Variants in BEGAIN observed in about 807,000 individuals in gnomAD.
The protein encoded by BEGAIN is brain enriched guanylate kinase associated.
Under a neutral mutation model 35.8 loss-of-function variants are expected in BEGAIN, and 19 were observed. The ratio of observed to expected loss-of-function variants is 0.53; its 90% CI spans 0.37 to 0.78. The LOEUF (loss-of-function observed/expected upper bound fraction) is 0.78. Among genes scored for constraint, BEGAIN ranks in the 30% least tolerant of loss-of-function variants. The pLI, the probability that BEGAIN is intolerant of heterozygous loss-of-function variation, is 0.00. For synonymous variants in BEGAIN, 462 were observed against 388.6 expected, an observed-to-expected ratio of 1.19 and a Z score of -2.22; for missense variants, 795 against 853.6, an observed-to-expected ratio of 0.93 and a Z score of 0.85.
rs1174559092 is a variant in BEGAIN, at chr14:100,563,483, A to C, written c.71+4428T>G. ...GTCCCCCAGGAGGTGTGGCTGCTGC[A>C]TGTGTAACTGACAGTGTGAAGAGCT... is the stretch of plus-strand genomic sequence containing the variant. On this transcript the variant is annotated intron_variant, in intron 2 of 6. Coordinates refer to ENST00000554140, the MANE Select transcript of BEGAIN (RefSeq NM_001385089.1). This position sits in a 1 kb window ranked among gnomAD's most constrained non-coding sequence, Gnocchi z 4.2. Among the ~76,000 whole-genome samples the C allele has an allele frequency of 6.6e-6, 1 of 152,250 alleles. No homozygotes were observed. Among genetic ancestry groups the C allele is most frequent in the Non-Finnish European group, 1.5e-5 (1 of 68,036 alleles).
At chr14:100,542,480 C>A (rs933603599) in intron 5 of BEGAIN, among the ~76,000 whole-genome samples, 4 of 152,204 alleles carry the variant, frequency 2.6e-5, no homozygotes, top group African/African-American at 9.6e-5. Context: ...AACTCCAGAC[C>A]CGGGCCTCCT....
chr14:100,555,274 C>T (rs931564117), intron 2 of BEGAIN, among the ~76,000 whole-genome samples: 4 of 152,250 alleles, frequency 2.6e-5, no homozygotes, highest in African/African-American at 9.6e-5. Context: ...TGTGGAAACC[C>T]GGGCTGGGTG....
intron 1 of BEGAIN, among the ~76,000 whole-genome samples, chr14:100,580,812 T>C (rs1376834028): frequency 2.6e-5 from 4 of 152,240 alleles, no homozygotes; most frequent in Non-Finnish European, 5.9e-5. Context: ...CTTGAATGAC[T>C]GACTGAATGA....
chr14:100,538,328 T>C lies in BEGAIN; in HGVS notation c.1480A>G (p.Ser494Gly), dbSNP rs1195977269. ...GAGAGGTCGTCCCCCTCGGAGAAGCTGTCGGCCTTGTAGCTGGCGTAGAGC... is the reference window on the plus strand; with the variant it reads ...GAGAGGTCGTCCCCCTCGGAGAAGCCGTCGGCCTTGTAGCTGGCGTAGAGC... ...SPLYASYKAD[S>G]FSEGDDLSQG... is the part of the protein sequence containing the mutation. The change falls in exon 7 of 7, where the codon AGC becomes GGC. Residue 494 changes from serine to glycine, a missense_variant. Physicochemically the swap from Ser to Gly is moderately conservative, Grantham distance 56 (BLOSUM62 0). Around this residue, in one of 3 missense-constraint regions of BEGAIN, gnomAD observed 664 missense variants for 647.7 expected, o/e 1.03. Transcript: ENST00000554140. 2.0e-6 allele frequency: 3 copies of C among 1,518,682 alleles called. No individual in the cohort carries two copies. The highest frequency in any genetic ancestry group is 1.8e-6 in the Non-Finnish European group (2 of 1,141,100). 94.1% of individuals were successfully genotyped at this position (1,518,682 alleles called of 1,614,324 possible).
chr14:100,569,579 G>GCC (rs2035001998), intron 1 of BEGAIN: 1 of 154,456 alleles, frequency 6.5e-6, no homozygotes, highest in East Asian at 1.9e-4. Context: ...CCGGGCAGGA[G>GCC]CCCTGTGTTC....
intron 2 of BEGAIN, among the ~76,000 whole-genome samples, chr14:100,561,905 A>G (rs189932236): frequency 1.3e-5 from 2 of 152,196 alleles, no homozygotes; most frequent in Non-Finnish European, 1.5e-5. Flanking sequence ...CAACCCCCCA[A>G]GTTGATACCA....
rs8017292 is a variant in BEGAIN at position 100,581,208 on chromosome 14, T to A, written c.42+6041A>T. ...ATGAGCAAGGGACTTCAGGACTCAT[T>A]AGCACTGGGGCTCTGATGTGGCCGT... On this transcript the variant is annotated intron_variant, in intron 1 of 6. Coordinates refer to ENST00000554140, the MANE Select transcript of BEGAIN (RefSeq NM_001385089.1). Among the ~76,000 whole-genome samples the A allele has an allele frequency of 8.6e-3, 1,317 of 152,310 alleles. 17 individuals are homozygous for A. The highest frequency in any genetic ancestry group is 0.03 in the African/African-American group (1,253 of 41,566).
In BEGAIN at chr14:100,538,741, T is replaced by C. The variant is rs1222019538; in HGVS notation, c.1067A>G (p.Lys356Arg). The stretch of plus-strand genomic sequence containing the variant: ...GCCCTCGTAGGTGGTGGCGGGTGGC[T>C]TGCGGTCGAAGAGCTCGTCGCGGCT... ...LNSRDELFDRKPPATTYEGSP... is the reference protein window; with the variant it reads ...LNSRDELFDRRPPATTYEGSP... Residue 356 changes from lysine (K) to arginine (R), a missense_variant, in exon 7 of 7, where the codon AAG becomes AGG. Transcript: ENST00000554140. The C allele has an allele frequency of 6.4e-7, 1 of 1,571,288 alleles. No individual in the cohort carries two copies. The highest frequency in any genetic ancestry group is 1.2e-5 in the South Asian group (1 of 85,984).
At position 100,568,385 on chromosome 14, in the gene BEGAIN, C is replaced by T. The variant is rs1056692405; in HGVS notation, c.43-446G>A. On this transcript the variant is annotated intron_variant, in intron 1 of 6. Transcript: ENST00000554140. This position sits in a 1 kb window ranked among gnomAD's most constrained non-coding sequence, Gnocchi z 7.5. ...GCCGAACCCCGGAATCGCAGAACCT[C>T]CGAGTCGGAGAATGTTGGGGAATTC... The T allele has an allele frequency of 8.1e-7, 1 of 1,232,786 alleles. No homozygotes were observed. Among genetic ancestry groups the T allele is most frequent in the Non-Finnish European group, 1.1e-6 (1 of 947,366 alleles). 76.4% of individuals were successfully genotyped at this position (1,232,786 alleles called of 1,614,324 possible). A position where few individuals can be genotyped will look rare whatever the true frequency, so the allele number is the denominator to read the frequency against.
At chr14:100,541,883 C>T (rs1342665510) in intron 5 of BEGAIN, among the ~76,000 whole-genome samples, 4 of 152,230 alleles carry the variant, frequency 2.6e-5, no homozygotes, top group East Asian at 3.9e-4. Context: ...TCTGGCAGAG[C>T]GAACAGGTGG....
intron 1 of BEGAIN, among the ~76,000 whole-genome samples, chr14:100,574,995 C>A (rs554090912): frequency 6.6e-6 from 1 of 152,164 alleles, no homozygotes; most frequent in South Asian, 2.1e-4. Flanking sequence ...CTGTGATAAC[C>A]GGCGGTCCTA....
chr14:100,546,899 GCGGTT>G (rs2032597369), intron 2 of BEGAIN: 1 of 408,670 alleles, frequency 2.4e-6, no homozygotes, highest in Admixed American at 4.6e-5. Context: ...TCTGGCCTGG[GCGGTT>G]CCTCAGACTC....
At chr14:100,577,311 C>G (rs894234307) in intron 1 of BEGAIN, 2 of 398,910 alleles carry the variant, frequency 5.0e-6, no homozygotes, top group African/African-American at 4.1e-5. Context: ...TGAGACTCAC[C>G]CGACCTGGAG....
At chr14:100,546,334 G>GCCCCCC in intron 3 of BEGAIN, 167 bp downstream of exon 3, 1 of 469,924 alleles carries the variant, frequency 2.1e-6, no homozygotes, top group East Asian at 4.9e-5. Context: ...CTCGGGCCCT[G>GCCCCCC]CCCCACCCCG....
chr14:100,578,383 G>T (rs1249133050), intron 1 of BEGAIN, among the ~76,000 whole-genome samples: 1 of 152,270 alleles, frequency 6.6e-6, no homozygotes, highest in Non-Finnish European at 1.5e-5. Context: ...ATGATGGCTT[G>T]AGTGCTGGGC....
intron 2 of BEGAIN, among the ~76,000 whole-genome samples, chr14:100,562,122 G>A (rs186978577): frequency 1.1e-4 from 17 of 152,230 alleles, no homozygotes; most frequent in Admixed American, 4.6e-4. Context: ...ATCACACTCC[G>A]GGAGGGGTGT....
rs568662690 is a variant in BEGAIN at position 100,539,283 on chromosome 14, C to T, written c.525G>A (p.Leu175=). 8.1e-5 allele frequency: 128 copies of T among 1,572,424 alleles called. 1 individual carries two copies. The South Asian group carries it at 1.4e-3, about 17-fold the overall frequency. Residue 175 remains leucine (L), a synonymous_variant, in exon 7 of 7, where the codon CTG becomes CTA. Coordinates refer to ENST00000554140, the MANE Select transcript of BEGAIN (RefSeq NM_001385089.1). ...LPSDFQERVS[L]HMEKHGCSLP... ...GGCTGCAGCCGTGCTTCTCCATGTG[C>T]AGGCTCACGCGCTCCTGGAAATCCG...
chr14:100,580,439 C>T (rs1423870122), intron 1 of BEGAIN, among the ~76,000 whole-genome samples: 7 of 152,140 alleles, frequency 4.6e-5, no homozygotes, highest in African/African-American at 2.4e-5. Flanking sequence ...CCTCCCGCCC[C>T]GTGCTCCCCG....
Position 100,567,641 on chromosome 14 carries a change from C to G in BEGAIN, c.71+270G>C, listed in dbSNP as rs1307686969. Among the ~76,000 whole-genome samples, 1 of 151,664 alleles carries G rather than the reference C, an allele frequency of 6.6e-6. No individual in the cohort carries two copies. Among genetic ancestry groups the G allele is most frequent in the Non-Finnish European group, 1.5e-5 (1 of 67,768 alleles). Reference sequence around the variant, plus strand: ...AGGACCGCACAGGACCAGGCGGCCCCGGGTAGGGGGCAGCCCGGCCCTCAG... The same window carrying G: ...AGGACCGCACAGGACCAGGCGGCCCGGGGTAGGGGGCAGCCCGGCCCTCAG... On this transcript the variant is annotated intron_variant, in intron 2 of 6. Coordinates refer to ENST00000554140, the MANE Select transcript of BEGAIN (RefSeq NM_001385089.1). This position sits in a 1 kb window ranked among gnomAD's most constrained non-coding sequence, Gnocchi z 5.1.
Sources: allele counts gnomAD v4.1 joint callset (sites outside exome capture counted in the v4.1 genomes callset), GRCh38; gene constraint gnomAD v4.1.1; regional missense constraint gnomAD v4.1.1; non-coding constraint Gnocchi (gnomAD v3.1); transcripts MANE v1.5; gene names NCBI Gene and HGNC (gene_info 2026-07-23, HGNC 2026-07-21).